FMN1: variants seen among roughly 807,000 people sequenced by gnomAD.
FMN1 encodes the protein formin 1.
A neutral mutation model predicts 132.4 loss-of-function variants in FMN1; 110 were observed. That is an observed-to-expected ratio of 0.83 (90% CI 0.71 to 0.97). The LOEUF (loss-of-function observed/expected upper bound fraction) is 0.97, where lower values mean the gene tolerates loss of function less well. Ranked by LOEUF, FMN1 falls within the 50% of genes least tolerant of loss-of-function variation. The pLI is 0.00. For synonymous variants in FMN1, 722 were observed against 651.7 expected, an observed-to-expected ratio of 1.11 and a Z score of -1.64; for missense variants, 1,792 against 1,705.3, an observed-to-expected ratio of 1.05 and a Z score of -0.90.
At chr15:32,872,189 A>G (rs1015323523) in intron 16 of FMN1, among the ~76,000 whole-genome samples, 1 of 152,232 alleles carries the variant, frequency 6.6e-6, no homozygotes, top group East Asian at 1.9e-4. Flanking sequence ...ATACATTTAT[A>G]TAATTATGAG....
intron 6 of FMN1, among the ~76,000 whole-genome samples, chr15:33,035,398 T>C (rs1477467116): frequency 6.6e-6 from 1 of 152,212 alleles, no homozygotes; most frequent in African/African-American, 2.4e-5. Flanking sequence ...CTGAATTCTG[T>C]CTACGGATGC....
intron 7 of FMN1, among the ~76,000 whole-genome samples, chr15:32,975,753 C>T (rs569476121): frequency 1.3e-5 from 2 of 152,260 alleles, no homozygotes; most frequent in Middle Eastern, 3.4e-3. Context: ...TATTCCCATA[C>T]ATATCATAAA....
At chr15:33,067,401 T>A in intron 5 of FMN1, 1 of 1,614,050 alleles carries the variant, frequency 6.2e-7, no homozygotes, top group Non-Finnish European at 8.5e-7. Flanking sequence ...CCATTGGTGC[T>A]GCTTCCCTCC....
Position 32,900,101 on chromosome 15 carries a change from T to C in FMN1, c.3532A>G (p.Lys1178Glu). Residue 1178 changes from lysine (K) to glutamate (E), a missense_variant, in exon 14 of 21, where the codon AAG (lysine) becomes GAG (glutamate). Transcript: ENST00000616417. Reference sequence around the variant, plus strand: ...GCCAAGATGAGAGCTAAAATATCCTTCACGCTCTTCACGTGCAGCAAGTCC... The same window carrying C: ...GCCAAGATGAGAGCTAAAATATCCTCCACGCTCTTCACGTGCAGCAAGTCC... The part of the protein sequence containing the change: ...SKDLLHVKSV[K>E]DILALILAFG... The C allele has an allele frequency of 6.2e-7, 1 of 1,613,862 alleles. No individual in the cohort carries two copies. The highest frequency in any genetic ancestry group is 8.5e-7 in the Non-Finnish European group (1 of 1,179,864).
chr15:33,154,633 C>T lies in FMN1; in HGVS notation c.282G>A (p.Arg94=). 1 of 1,536,106 alleles carries T rather than the reference C, an allele frequency of 6.5e-7. No individual in the cohort carries two copies. Among genetic ancestry groups the T allele is most frequent in the South Asian group, 1.2e-5 (1 of 84,050 alleles). Residue 94 remains arginine, a synonymous_variant, in exon 4 of 21, where the codon AGG becomes AGA. Coordinates refer to ENST00000616417, the MANE Select transcript of FMN1 (RefSeq NM_001277313.2). ...LTELYKLTTE[R]ERLLTNLLSS... is the part of the protein sequence containing the mutation. ...TCAGGAGATTGGTTAGCAGTCTCTCCCTCTCTGTTGTGAGTTTGTACAGCT... is the reference window on the plus strand; with the variant it reads ...TCAGGAGATTGGTTAGCAGTCTCTCTCTCTCTGTTGTGAGTTTGTACAGCT...
At chr15:32,911,203 A>T (rs1187590387) in intron 10 of FMN1, among the ~76,000 whole-genome samples, 3 of 152,236 alleles carry the variant, frequency 2.0e-5, no homozygotes, top group African/African-American at 7.2e-5. Context: ...GATTTCATCT[A>T]GAGAGGTACC....
chr15:33,066,579 CCTT>C lies in FMN1; in HGVS notation c.2044-1508_2044-1506del, dbSNP rs759015237. ...CGTTCAAACACAGCTCTTAGCGACT[CCTT>C]CTCATGTCTCATCTTGCGCTTGAGA... On this transcript the variant is annotated intron_variant, in intron 5 of 20. Coordinates refer to ENST00000616417, the MANE Select transcript of FMN1 (RefSeq NM_001277313.2). 8.7e-6 allele frequency: 14 copies of C among 1,611,646 alleles called. No individual in the cohort carries two copies. In the Admixed American group the frequency reaches 2.2e-4, roughly 25 times the overall value.
intron 4 of FMN1, among the ~76,000 whole-genome samples, chr15:33,090,482 T>C (rs2038864145): frequency 6.6e-6 from 1 of 152,184 alleles, no homozygotes; most frequent in Non-Finnish European, 1.5e-5. Context: ...AGTGTGTCTA[T>C]AGTTGCCCTC....
chr15:32,895,166 T>C (rs347928), intron 15 of FMN1, among the ~76,000 whole-genome samples: 3,260 of 152,292 alleles, frequency 0.021, 114 homozygotes, highest in African/African-American at 0.074. Context: ...TTTCTAGGGC[T>C]GTTGATACAG....
intron 20 of FMN1, among the ~76,000 whole-genome samples, chr15:32,775,053 G>A (rs913189454): frequency 6.6e-6 from 1 of 152,212 alleles, no homozygotes; most frequent in Non-Finnish European, 1.5e-5. Flanking sequence ...TGCTCTGGGA[G>A]GAGGGTAAAT....
At chr15:32,861,377 T>C (rs951185403) in intron 16 of FMN1, among the ~76,000 whole-genome samples, 6 of 152,192 alleles carry the variant, frequency 3.9e-5, no homozygotes, top group African/African-American at 1.2e-4. Flanking sequence ...ACAGAGCCCA[T>C]GCGGTGCCCA....
chr15:32,792,770 C>G (rs1422102798), intron 19 of FMN1, among the ~76,000 whole-genome samples: 1 of 152,160 alleles, frequency 6.6e-6, no homozygotes, highest in African/African-American at 2.4e-5. Flanking sequence ...AGTCCCCTTC[C>G]CACTGGCAGG....
At chr15:33,003,993 G>A (rs1245535780) in intron 7 of FMN1, among the ~76,000 whole-genome samples, 9 of 151,608 alleles carry the variant, frequency 5.9e-5, no homozygotes, top group African/African-American at 1.9e-4. Flanking sequence ...CTAGCCATAC[G>A]TACAAAGCTG....
intron 7 of FMN1, among the ~76,000 whole-genome samples, chr15:32,998,962 G>A (rs187118404): frequency 1.5e-4 from 23 of 152,248 alleles, no homozygotes; most frequent in Admixed American, 9.8e-4. Context: ...TGTACCTACC[G>A]GATTCTAGGT....
chr15:33,082,203 T>A (rs1348393567), intron 5 of FMN1, among the ~76,000 whole-genome samples: 1 of 151,670 alleles, frequency 6.6e-6, no homozygotes, highest in African/African-American at 2.4e-5. Flanking sequence ...CTCCCGAGCA[T>A]CTGGGATTAC....
At chr15:32,921,698 TAA>T (rs1418823030) in intron 10 of FMN1, among the ~76,000 whole-genome samples, 1 of 144,998 alleles carries the variant, frequency 6.9e-6, no homozygotes, top group African/African-American at 2.6e-5. Context: ...TTTTTCGAGA[TAA>T]GAGTCTTGCT....
intron 15 of FMN1, 101 bp downstream of exon 15, chr15:32,898,733 T>C (rs2060219760): frequency 6.6e-6 from 5 of 759,538 alleles, no homozygotes; most frequent in Non-Finnish European, 9.2e-6. Context: ...TCATATTCTA[T>C]GTTGGGCTTG....
At chr15:32,857,251 G>A (rs1392257673) in intron 16 of FMN1, 144 bp from the exon 17 acceptor site, 1 of 651,590 alleles carries the variant, frequency 1.5e-6, no homozygotes, top group Admixed American at 2.7e-5. Flanking sequence ...GGATTGGGGG[G>A]CAGGGGGAAC....
At chr15:33,137,662 A>G (rs995428919) in intron 4 of FMN1, among the ~76,000 whole-genome samples, 4 of 152,196 alleles carry the variant, frequency 2.6e-5, no homozygotes, top group African/African-American at 9.7e-5. Context: ...TCCTTTCAAC[A>G]TACTATGTAA....
Sources: allele counts gnomAD v4.1 joint callset (sites outside exome capture counted in the v4.1 genomes callset), GRCh38; gene constraint gnomAD v4.1.1; transcripts MANE v1.5; gene names NCBI Gene and HGNC (gene_info 2026-07-23, HGNC 2026-07-21).